The following KLF8 variants were observed in gnomAD, a reference collection of about 807,000 sequenced individuals.
KLF8 encodes the protein Krueppel-like factor 8.
A neutral mutation model predicts 18.2 loss-of-function variants in KLF8; 10 were observed. The ratio of observed to expected loss-of-function variants is 0.55; its 90% CI spans 0.34 to 0.93. The LOEUF is 0.93. Ranked by LOEUF, KLF8 falls within the 40% of genes least tolerant of loss-of-function variation. KLF8 has a pLI of 0.02. For synonymous variants in KLF8, 109 were observed against 97.3 expected (o/e 1.12, Z -0.71); for missense variants, 264 against 277.9 (o/e 0.95, Z 0.36).
chrX:56,023,187 T>C, the KLF8 span, among the ~76,000 whole-genome samples: 3 of 111,310 alleles, frequency 2.7e-5, no homozygotes, highest in African/African-American at 9.8e-5. Context: ...ACTATAGTAA[T>C]AGAAACAAGG....
At chrX:55,991,293 A>C in the KLF8 span, among the ~76,000 whole-genome samples, 3 of 111,788 alleles carry the variant, frequency 2.7e-5, no homozygotes, top group Non-Finnish European at 5.6e-5. Flanking sequence ...TGGGCGTAGG[A>C]CCCTCCAAGC....
chrX:56,251,868 G>A (rs1386691468), intron 2 of KLF8, among the ~76,000 whole-genome samples: 2 of 110,914 alleles, frequency 1.8e-5, no homozygotes, highest in Non-Finnish European at 3.8e-5. Context: ...TGGAGAATGG[G>A]GTATCCATCC....
chrX:56,169,314 A>G, the KLF8 span, among the ~76,000 whole-genome samples: 8 of 111,491 alleles, frequency 7.2e-5, no homozygotes, highest in Admixed American at 1.9e-4. Flanking sequence ...ATAAAGGTGG[A>G]GGGAAAAGTA....
chrX:56,145,670 A>T, the KLF8 span, among the ~76,000 whole-genome samples: 4 of 112,462 alleles, frequency 3.6e-5, no homozygotes, highest in Non-Finnish European at 5.6e-5. Context: ...ATGAACCTTA[A>T]AAACATTGTG....
chrX:56,157,759 T>A, the KLF8 span, among the ~76,000 whole-genome samples: 11,826 of 111,275 alleles, frequency 0.11, 1,102 homozygotes, highest in African/African-American at 0.3. Context: ...CTTGTAAATT[T>A]GTTTGAGTTC....
chrX:56,059,845 C>T, the KLF8 span, among the ~76,000 whole-genome samples: 5 of 111,534 alleles, frequency 4.5e-5, no homozygotes, highest in African/African-American at 1.3e-4. Flanking sequence ...GGCTCTTTTT[C>T]GCTTCCATAT....
the KLF8 span, among the ~76,000 whole-genome samples, chrX:56,180,119 C>T: frequency 1.8e-5 from 2 of 111,337 alleles, no homozygotes; most frequent in Non-Finnish European, 3.8e-5. Flanking sequence ...TCCGTCTGAT[C>T]CTGGACTTTT....
the KLF8 span, among the ~76,000 whole-genome samples, chrX:56,006,706 GT>G: frequency 2.7e-5 from 3 of 112,382 alleles, no homozygotes; most frequent in East Asian, 5.6e-4. Flanking sequence ...TTGCTCTTGA[GT>G]TTTTTTGGTA....
chrX:56,027,846 A>G, the KLF8 span, among the ~76,000 whole-genome samples: 1 of 112,790 alleles, frequency 8.9e-6, no homozygotes, highest in Non-Finnish European at 1.9e-5. Context: ...TTCAATGGTT[A>G]TGCGGGGGTT....
the KLF8 span, among the ~76,000 whole-genome samples, chrX:55,916,776 C>T: frequency 2.7e-5 from 3 of 111,967 alleles, no homozygotes; most frequent in Non-Finnish European, 3.8e-5. Flanking sequence ...CAGGAACTTT[C>T]CAAGGTTTAT....
the KLF8 span, among the ~76,000 whole-genome samples, chrX:56,035,557 G>A: frequency 8.9e-6 from 1 of 111,981 alleles, no homozygotes; most frequent in South Asian, 3.7e-4. Flanking sequence ...GTTCATTATA[G>A]TGGTACTAAG....
At chrX:55,936,456 A>G in the KLF8 span, among the ~76,000 whole-genome samples, 1 of 112,883 alleles carries the variant, frequency 8.9e-6, no homozygotes, top group Non-Finnish European at 1.9e-5. Flanking sequence ...TGAGCGATGC[A>G]GAAGATGGGT....
the KLF8 span, among the ~76,000 whole-genome samples, chrX:56,138,898 T>A: frequency 9.0e-6 from 1 of 111,018 alleles, no homozygotes; most frequent in African/African-American, 3.3e-5. Context: ...ATAGATAATA[T>A]GACTTTACAC....
At chrX:56,114,327 G>A in the KLF8 span, among the ~76,000 whole-genome samples, 1 of 112,698 alleles carries the variant, frequency 8.9e-6, no homozygotes, top group African/African-American at 3.2e-5. Context: ...CAATGTTAGC[G>A]GCCGCCAAGT....
chrX:56,257,056 A>G (rs913607174), intron 2 of KLF8, among the ~76,000 whole-genome samples: 2 of 111,695 alleles, frequency 1.8e-5, no homozygotes, highest in African/African-American at 6.5e-5. Flanking sequence ...ATATTATTAA[A>G]CATTAATAAA....
the KLF8 span, among the ~76,000 whole-genome samples, chrX:56,185,501 T>G: frequency 9.0e-6 from 1 of 110,963 alleles, no homozygotes; most frequent in African/African-American, 3.3e-5. Context: ...AGGCCAACAT[T>G]CAGATTCAGG....
At chrX:56,202,358 G>A in the KLF8 span, among the ~76,000 whole-genome samples, 1 of 110,607 alleles carries the variant, frequency 9.0e-6, no homozygotes, top group East Asian at 2.8e-4. Context: ...ACAGGCATGC[G>A]ATGTGAAAGA....
chrX:56,154,155 G>A, the KLF8 span, among the ~76,000 whole-genome samples: 2 of 111,221 alleles, frequency 1.8e-5, no homozygotes, highest in Non-Finnish European at 3.8e-5. Flanking sequence ...AAAAGCTGGA[G>A]GCATCACGCT....
the KLF8 span, among the ~76,000 whole-genome samples, chrX:56,042,222 G>C: frequency 1.8e-5 from 2 of 111,361 alleles, no homozygotes; most frequent in Non-Finnish European, 3.8e-5. Flanking sequence ...TTTAATTTGT[G>C]TTGTGGTCTG....
Sources: allele counts gnomAD v4.1 joint callset (sites outside exome capture counted in the v4.1 genomes callset), GRCh38; gene constraint gnomAD v4.1.1; transcripts MANE v1.5; gene names NCBI Gene and HGNC (gene_info 2026-07-23, HGNC 2026-07-21).